LAMA1: variants seen among roughly 807,000 people sequenced by gnomAD.
The protein encoded by LAMA1 is laminin subunit alpha-1.
Under a neutral mutation model 348.7 loss-of-function variants are expected in LAMA1, and 219 were observed. The ratio of observed to expected loss-of-function variants is 0.63; its 90% CI spans 0.56 to 0.70. LAMA1 has a LOEUF of 0.70. LAMA1 is among the 30% of genes least tolerant of loss of function. The pLI is 0.00. For synonymous variants in LAMA1, 1,487 were observed against 1,491.0 expected (o/e 1.00, Z 0.06); for missense variants, 3,744 against 3,888.0 (o/e 0.96, Z 0.99).
intron 33 of LAMA1, 92 bp from the exon 34 acceptor site, chr18:6,995,538 A>C: frequency 1.3e-6 from 1 of 770,444 alleles, no homozygotes; most frequent in South Asian, 1.4e-5. Context: ...TTTTGTTCAC[A>C]GAAAGAAATT....
chr18:7,043,530 T>C (rs887006186), intron 7 of LAMA1, 125 bp from the exon 8 acceptor site: 3 of 771,352 alleles, frequency 3.9e-6, no homozygotes, highest in African/African-American at 3.5e-5. Context: ...TAAGTAATTT[T>C]AATAAGATAT....
chr18:6,947,563 C>T (rs1600338966), intron 60 of LAMA1, among the ~76,000 whole-genome samples: 1 of 152,144 alleles, frequency 6.6e-6, no homozygotes, highest in African/African-American at 2.4e-5. Flanking sequence ...AAGCACGTGG[C>T]CCTGCCTCAC....
chr18:7,107,887 G>A (rs1238670040), intron 1 of LAMA1, among the ~76,000 whole-genome samples: 3 of 151,884 alleles, frequency 2.0e-5, no homozygotes, highest in Non-Finnish European at 2.9e-5. Context: ...GGTGGCGGGT[G>A]CCTGTAGTCC....
At chr18:6,962,985 C>T (rs2057615183) in intron 51 of LAMA1, among the ~76,000 whole-genome samples, 2 of 152,152 alleles carry the variant, frequency 1.3e-5, no homozygotes, top group African/African-American at 2.4e-5. Context: ...CTGAACATCT[C>T]CCAGCTGCAC....
chr18:7,117,100 C>A (rs1441421272), intron 1 of LAMA1, among the ~76,000 whole-genome samples: 4 of 152,274 alleles, frequency 2.6e-5, no homozygotes, highest in African/African-American at 9.6e-5. Flanking sequence ...TGGCTAGGGG[C>A]GCCCTTCTCG....
rs1336164522 is a variant in LAMA1, at chr18:7,049,189, A to G, written c.657T>C (p.Thr219=). The G allele has an allele frequency of 6.2e-7, 1 of 1,614,102 alleles. No homozygotes were observed. The highest frequency in any genetic ancestry group is 8.5e-7 in the Non-Finnish European group (1 of 1,180,030). Reference sequence around the variant, plus strand: ...AGCGAAGGCGAATATATCGTGCAGAAGTGAATTCCAACAACTTGGGTGAAA... The same window carrying G: ...AGCGAAGGCGAATATATCGTGCAGAGGTGAATTCCAACAACTTGGGTGAAA... The part of the protein sequence containing the change: ...DDLSPKLLEF[T]SARYIRLRLQ... Residue 219 remains threonine (T), a synonymous_variant, in exon 5 of 63, where the codon ACT becomes ACC. Transcript: ENST00000389658.
chr18:6,993,968 C>T (rs998192314), intron 34 of LAMA1, among the ~76,000 whole-genome samples: 8 of 152,160 alleles, frequency 5.3e-5, no homozygotes, highest in Admixed American at 2.6e-4. Context: ...ACAACTCACT[C>T]AGCATAAGAA....
rs2057691653 is a variant in LAMA1 at position 6,978,206 on chromosome 18, G to A, written c.6180C>T (p.Ser2060=). Residue 2060 remains serine, a synonymous_variant, in exon 43 of 63, where the codon TCC becomes TCT. Transcript: ENST00000389658. The part of the protein sequence containing the change: ...LRETHQLLQD[S]TMATLLAGRK... Reference sequence around the variant, plus strand: ...AGGGCGCTGACATACTGGCCATGGTGGAGTCCTGCAGAAGCTGGTGTGTCT... The same window carrying A: ...AGGGCGCTGACATACTGGCCATGGTAGAGTCCTGCAGAAGCTGGTGTGTCT... 2 of 1,614,258 alleles carry A rather than the reference G, an allele frequency of 1.2e-6. No individual in the cohort carries two copies. The highest frequency in any genetic ancestry group is 1.7e-6 in the Non-Finnish European group (2 of 1,180,050).
Position 6,983,135 on chromosome 18 carries a change from GGCCA to G in LAMA1, c.5756_5759del (p.Leu1919ProfsTer8). ...CAGTCACAGTCCTGTGAGCATCTCT[GGCCA>G]GTTCCTCCGATTCTTCAATCAGGCT... On this transcript the variant is annotated frameshift_variant, in exon 40 of 63. Coordinates refer to ENST00000389658, the MANE Select transcript of LAMA1 (RefSeq NM_005559.4). LOFTEE classifies it high-confidence loss of function. The G allele has an allele frequency of 6.2e-7, 1 of 1,614,088 alleles. No individual in the cohort carries two copies. The highest frequency in any genetic ancestry group is 8.5e-7 in the Non-Finnish European group (1 of 1,180,012).
chr18:6,970,670 C>T (rs1431944439), intron 48 of LAMA1, among the ~76,000 whole-genome samples: 30 of 151,496 alleles, frequency 2.0e-4, no homozygotes, highest in Non-Finnish European at 4.4e-5. Context: ...GTCACCCATG[C>T]TGGAGTGCAG....
At chr18:6,968,529 G>C (rs138304803) in intron 48 of LAMA1, among the ~76,000 whole-genome samples, 44 of 152,328 alleles carry the variant, frequency 2.9e-4, no homozygotes, top group Admixed American at 1.9e-3. Flanking sequence ...ACCTAGCAGA[G>C]GGCCCGGAAC....
intron 1 of LAMA1, among the ~76,000 whole-genome samples, chr18:7,096,924 C>A (rs992232550): frequency 2.0e-5 from 3 of 152,218 alleles, no homozygotes; most frequent in African/African-American, 7.2e-5. Flanking sequence ...GCAGAGGCAG[C>A]TCCATTCTTA....
intron 1 of LAMA1, among the ~76,000 whole-genome samples, chr18:7,098,770 G>A (rs1391227753): frequency 2.5e-4 from 32 of 128,134 alleles, no homozygotes; most frequent in African/African-American, 7.3e-4. Context: ...GGTGAGGGGC[G>A]CCTCTGCCCG....
Position 7,010,409 on chromosome 18 carries a change from T to TA in LAMA1, c.3688-25dup, listed in dbSNP as rs762477385. ...AGCTATCAAATAATAAAGTGTTGTT[T>TA]ACTTCTCTGACAAAGCTTTCATTCA... On this transcript the variant is annotated intron_variant, in intron 25 of 62. Transcript: ENST00000389658. 513 of 1,606,722 alleles carry TA rather than the reference T, an allele frequency of 3.2e-4. 1 individual carries two copies. Among genetic ancestry groups the TA allele is most frequent in the Middle Eastern group, 9.9e-4 (6 of 6,062 alleles).
chr18:7,002,139 T>C (rs959350518), intron 30 of LAMA1, 125 bp downstream of exon 30: 5 of 1,259,180 alleles, frequency 4.0e-6, no homozygotes, highest in African/African-American at 1.5e-5. Flanking sequence ...TTCTTAAAAT[T>C]AGCCTTTTGC....
At chr18:7,079,651 C>T in intron 3 of LAMA1, 1 of 407,240 alleles carries the variant, frequency 2.5e-6, no homozygotes, top group Non-Finnish European at 4.6e-6. Flanking sequence ...TTCCCCCTCT[C>T]CCTCCCCATG....
At chr18:7,055,848 G>A (rs1408194453) in intron 3 of LAMA1, among the ~76,000 whole-genome samples, 1 of 152,080 alleles carries the variant, frequency 6.6e-6, no homozygotes, top group Non-Finnish European at 1.5e-5. Flanking sequence ...TTGGGAGGCC[G>A]AGGCGGGCGG....
In LAMA1 at chr18:6,999,471, T is replaced by C; in HGVS notation, c.4637A>G (p.His1546Arg). The C allele has an allele frequency of 1.2e-6, 2 of 1,614,184 alleles. No homozygotes were observed. The highest frequency in any genetic ancestry group is 1.7e-6 in the Non-Finnish European group (2 of 1,180,036). ...AACACAATCTGTTTCCATCAGAATG[T>C]GCCTCGGTTCACACTCATCGCACCG... ...GLRCDECEPR[H>R]ILMETDCVSC... Residue 1546 changes from histidine (H) to arginine (R), a missense_variant, in exon 32 of 63, where the codon CAC becomes CGC. Physicochemically the swap from His to Arg is conservative, Grantham distance 29. Coordinates refer to ENST00000389658, the MANE Select transcript of LAMA1 (RefSeq NM_005559.4).
chr18:7,059,995 A>T (rs538680061), intron 3 of LAMA1, among the ~76,000 whole-genome samples: 1 of 152,354 alleles, frequency 6.6e-6, no homozygotes, highest in African/African-American at 2.4e-5. Flanking sequence ...CTCATGAATA[A>T]AGAAGCAGTG....
Sources: allele counts gnomAD v4.1 joint callset (sites outside exome capture counted in the v4.1 genomes callset), GRCh38; gene constraint gnomAD v4.1.1; transcripts MANE v1.5; gene names NCBI Gene and HGNC (gene_info 2026-07-23, HGNC 2026-07-21).